Variants in TGFB2 observed in about 807,000 individuals in gnomAD.
TGFB2 encodes transforming growth factor beta 2.
Under a neutral mutation model 42.7 loss-of-function variants are expected in TGFB2, and 13 were observed. The observed-to-expected ratio is 0.30, with a 90% CI of 0.20 to 0.48. The LOEUF (loss-of-function observed/expected upper bound fraction) is 0.48. Ranked by LOEUF, TGFB2 falls within the 20% of genes least tolerant of loss-of-function variation. The pLI, the probability that TGFB2 is intolerant of heterozygous loss-of-function variation, is 0.99. For synonymous variants in TGFB2, 193 were observed against 193.6 expected (o/e 1.00, Z 0.03); for missense variants, 390 against 517.5 (o/e 0.75, Z 2.39).
chr1:218,416,550 G>T (rs1390581366), intron 2 of TGFB2, among the ~76,000 whole-genome samples: 3 of 152,194 alleles, frequency 2.0e-5, no homozygotes, highest in Non-Finnish European at 4.4e-5. Context: ...AGAGGAAAAT[G>T]ATAAGTCATT....
chr1:218,418,965 C>T (rs1659368434), intron 2 of TGFB2, among the ~76,000 whole-genome samples: 1 of 152,146 alleles, frequency 6.6e-6, no homozygotes. Flanking sequence ...TCAGCTATGT[C>T]TTTATCAGCA....
At chr1:218,399,119 C>T (rs1329515712) in intron 1 of TGFB2, among the ~76,000 whole-genome samples, 1 of 152,200 alleles carries the variant, frequency 6.6e-6, no homozygotes, top group South Asian at 2.1e-4. Flanking sequence ...AAACTCCTAG[C>T]CTTAACCAAT....
intron 1 of TGFB2, among the ~76,000 whole-genome samples, chr1:218,349,375 A>C (rs1656796857): frequency 6.6e-6 from 1 of 152,258 alleles, no homozygotes; most frequent in Non-Finnish European, 1.5e-5. Flanking sequence ...CATATTTTTA[A>C]AAAGCAAATT....
rs183362977 is a variant in TGFB2 at position 218,429,746 on chromosome 1, C to T, written c.511-4336C>T. Among the ~76,000 whole-genome samples the T allele has an allele frequency of 4.8e-3, 734 of 152,234 alleles. 12 individuals carry two copies. The highest frequency in any genetic ancestry group is 0.016 in the African/African-American group (684 of 41,548). On this transcript the variant is annotated intron_variant, in intron 2 of 6. Coordinates refer to ENST00000366930, the MANE Select transcript of TGFB2 (RefSeq NM_003238.6). Reference sequence around the variant, plus strand: ...CTTTCCAAGACAGTCAACTGGCTTTCGGAGAAGAAACAGCTCTCTTTACTT... The same window carrying T: ...CTTTCCAAGACAGTCAACTGGCTTTTGGAGAAGAAACAGCTCTCTTTACTT...
At chr1:218,353,998 C>T (rs926652708) in intron 1 of TGFB2, among the ~76,000 whole-genome samples, 2 of 152,212 alleles carry the variant, frequency 1.3e-5, no homozygotes, top group Admixed American at 6.5e-5. Flanking sequence ...TTCCTTTGCA[C>T]TCTTACTATA....
At chr1:218,406,364 G>GT (rs1658911203) in intron 2 of TGFB2, among the ~76,000 whole-genome samples, 1 of 152,138 alleles carries the variant, frequency 6.6e-6, no homozygotes, top group Non-Finnish European at 1.5e-5. Flanking sequence ...TTAAAAGCTT[G>GT]TTACCCGAGT....
intron 1 of TGFB2, chr1:218,363,317 CT>C: frequency 1.2e-6 from 2 of 1,612,040 alleles, no homozygotes; most frequent in Non-Finnish European, 8.5e-7. Flanking sequence ...AATGACTGTG[CT>C]TTTTAAAACT....
At chr1:218,404,254 A>G (rs1438528008) in intron 1 of TGFB2, among the ~76,000 whole-genome samples, 1 of 152,304 alleles carries the variant, frequency 6.6e-6, no homozygotes, top group African/African-American at 2.4e-5. Context: ...ATGGGATTAC[A>G]GGTGCGCGCC....
intron 2 of TGFB2, among the ~76,000 whole-genome samples, chr1:218,423,550 A>C (rs909109208): frequency 1.3e-5 from 2 of 152,160 alleles, no homozygotes; most frequent in Non-Finnish European, 1.5e-5. Flanking sequence ...GGAGGAGGGA[A>C]AGGCATTCTG....
At chr1:218,375,566 T>G (rs1230326068) in intron 1 of TGFB2, among the ~76,000 whole-genome samples, 1 of 152,142 alleles carries the variant, frequency 6.6e-6, no homozygotes, top group African/African-American at 2.4e-5. Context: ...CATTTTAAGG[T>G]GATCATTGAA....
chr1:218,425,586 C>T (rs1321198519), intron 2 of TGFB2, among the ~76,000 whole-genome samples: 2 of 152,232 alleles, frequency 1.3e-5, no homozygotes, highest in South Asian at 2.1e-4. Flanking sequence ...GGGCTAAAAA[C>T]ATGGCAAAAA....
chr1:218,405,289 A>G lies in TGFB2; in HGVS notation c.467A>G (p.Asn156Ser). The change falls in exon 2 of 7, where the codon AAC (asparagine) becomes AGC (serine). Residue 156 changes from asparagine to serine, a missense_variant. By Grantham distance (46) the Asn-to-Ser change is conservative (BLOSUM62 1). Coordinates refer to ENST00000366930, the MANE Select transcript of TGFB2 (RefSeq NM_003238.6). ...KAEFRVFRLQ[N>S]PKARVPEQRI... ...GAGTTCAGAGTCTTTCGTTTGCAGAACCCAAAAGCCAGAGTGCCTGAACAA... is the reference window on the plus strand; with the variant it reads ...GAGTTCAGAGTCTTTCGTTTGCAGAGCCCAAAAGCCAGAGTGCCTGAACAA... 1 of 1,614,156 alleles carries G rather than the reference A, an allele frequency of 6.2e-7. No homozygotes were observed. Among genetic ancestry groups the G allele is most frequent in the Non-Finnish European group, 8.5e-7 (1 of 1,180,024 alleles).
chr1:218,408,523 A>T (rs1384309741), intron 2 of TGFB2, among the ~76,000 whole-genome samples: 1 of 152,042 alleles, frequency 6.6e-6, no homozygotes, highest in African/African-American at 2.4e-5. Context: ...AATAATAGCA[A>T]TTTTTTTATC....
intron 1 of TGFB2, among the ~76,000 whole-genome samples, chr1:218,398,776 C>A (rs560349114): frequency 1.3e-5 from 2 of 151,914 alleles, no homozygotes; most frequent in African/African-American, 4.8e-5. Flanking sequence ...TTAGTAGAGA[C>A]GGGGTTTCAC....
At chr1:218,366,377 G>A (rs1000630819) in intron 1 of TGFB2, among the ~76,000 whole-genome samples, 1 of 152,000 alleles carries the variant, frequency 6.6e-6, no homozygotes, top group Admixed American at 6.6e-5. Context: ...CATGATCATA[G>A]CTCACTGTAA....
intron 1 of TGFB2, among the ~76,000 whole-genome samples, chr1:218,395,379 G>A (rs1213957777): frequency 6.6e-6 from 1 of 152,182 alleles, no homozygotes; most frequent in Non-Finnish European, 1.5e-5. Context: ...TATCTCTAGT[G>A]GAGGAGGAGC....
intron 2 of TGFB2, among the ~76,000 whole-genome samples, chr1:218,425,486 T>TGC (rs1659593496): frequency 3.3e-5 from 5 of 152,138 alleles, no homozygotes; most frequent in Admixed American, 3.3e-4. Flanking sequence ...GGATTACAGA[T>TGC]GTGAGCCACC....
intron 6 of TGFB2, among the ~76,000 whole-genome samples, chr1:218,438,620 TA>T (rs1295803016): frequency 1.3e-5 from 2 of 152,088 alleles, no homozygotes; most frequent in Non-Finnish European, 2.9e-5. Context: ...AGAATCTGAG[TA>T]TTTTATCAAG....
chr1:218,401,448 G>A (rs1405710999), intron 1 of TGFB2, among the ~76,000 whole-genome samples: 2 of 152,214 alleles, frequency 1.3e-5, no homozygotes, highest in East Asian at 1.9e-4. Context: ...AATTTTCCCC[G>A]GGAGGAAGGC....
Sources: allele counts gnomAD v4.1 joint callset (sites outside exome capture counted in the v4.1 genomes callset), GRCh38; gene constraint gnomAD v4.1.1; transcripts MANE v1.5; gene names NCBI Gene and HGNC (gene_info 2026-07-23, HGNC 2026-07-21).